SYTL2: variants seen among roughly 807,000 people sequenced by gnomAD.
SYTL2 encodes synaptotagmin-like protein 2.
SYTL2 carries 165 observed loss-of-function variants against 198.7 expected under a neutral mutation model. That is an observed-to-expected ratio of 0.83 (90% CI 0.73 to 0.94). The LOEUF (loss-of-function observed/expected upper bound fraction) is 0.94. Among genes scored for constraint, SYTL2 ranks in the 40% least tolerant of loss-of-function variants. SYTL2 has a pLI of 0.00. For missense variants in SYTL2, 2,835 were observed against 2,582.8 expected (o/e 1.10, Z -2.12); for synonymous variants, 966 against 917.7 (o/e 1.05, Z -0.95).
the SYTL2 span, among the ~76,000 whole-genome samples, chr11:85,826,275 C>T: frequency 1.3e-5 from 2 of 152,302 alleles, no homozygotes; most frequent in East Asian, 1.9e-4. Flanking sequence ...TGCTGGAAGA[C>T]ATCTAGTGGC....
intron 2 of SYTL2, among the ~76,000 whole-genome samples, chr11:85,755,332 C>T (rs2091797909): frequency 1.3e-5 from 2 of 152,152 alleles, no homozygotes; most frequent in African/African-American, 4.8e-5. Flanking sequence ...CTGTCCATGG[C>T]CAAGTCCACA....
chr11:85,780,714 G>A (rs1288568199), intron 1 of SYTL2, among the ~76,000 whole-genome samples: 1 of 152,176 alleles, frequency 6.6e-6, no homozygotes, highest in Non-Finnish European at 1.5e-5. Flanking sequence ...GTAAATACAA[G>A]TAAAGTTTTT....
At chr11:85,813,716 TTTCCTTCCTTCCTTCC>T (rs539849388), upstream of SYTL2, among the ~76,000 whole-genome samples, 1 of 107,210 alleles carries the variant, frequency 9.3e-6, no homozygotes, top group Non-Finnish European at 1.9e-5. Flanking sequence ...CCCTCCCTCC[TTTCCTTCCTTCCTTCC>T]TTCCTTCCTT....
Position 85,726,365 on chromosome 11 carries a change from T to C in SYTL2, c.2993A>G (p.Lys998Arg), listed in dbSNP as rs969026748. 6.8e-6 allele frequency: 11 copies of C among 1,613,950 alleles called. No homozygotes were observed. Among genetic ancestry groups the C allele is most frequent in the Non-Finnish European group, 9.3e-6 (11 of 1,179,970 alleles). ...FWDLEANSNSKDNDKNITTTS... is the reference protein window; with the variant it reads ...FWDLEANSNSRDNDKNITTTS... ...GGTGGTAATATTCTTGTCATTATCC[T>C]TACTGTTTGAATTAGCTTCTAAGTC... Residue 998 changes from lysine (K) to arginine (R), a missense_variant, in exon 8 of 20, where the codon AAG becomes AGG. By Grantham distance (26) the Lys-to-Arg change is conservative (BLOSUM62 2). Coordinates refer to ENST00000359152, the MANE Select transcript of SYTL2 (RefSeq NM_206927.4).
At chr11:85,750,653 G>A (rs1365540721) in intron 2 of SYTL2, among the ~76,000 whole-genome samples, 1 of 152,140 alleles carries the variant, frequency 6.6e-6, no homozygotes, top group African/African-American at 2.4e-5. Flanking sequence ...GAACAGAGCT[G>A]ATACCCAATA....
chr11:85,701,914 A>G (rs1028840236), intron 16 of SYTL2, among the ~76,000 whole-genome samples: 1 of 152,214 alleles, frequency 6.6e-6, no homozygotes, highest in Non-Finnish European at 1.5e-5. Context: ...TCTGCTTTTC[A>G]CTTTGAGACA....
the SYTL2 span, among the ~76,000 whole-genome samples, chr11:85,844,161 G>A: frequency 6.6e-6 from 1 of 152,206 alleles, no homozygotes; most frequent in South Asian, 2.1e-4. Flanking sequence ...TATCGTGTAA[G>A]CCCTAGCTGA....
intron 1 of SYTL2, among the ~76,000 whole-genome samples, chr11:85,794,068 C>T (rs1404520015): frequency 6.6e-6 from 1 of 152,186 alleles, no homozygotes; most frequent in Non-Finnish European, 1.5e-5. Flanking sequence ...CAGGGTCTCA[C>T]TATGCTGCCC....
rs749561070 is a variant in SYTL2, at chr11:85,724,207, T to C, written c.5151A>G (p.Gln1717=). Residue 1717 remains glutamine, a synonymous_variant, in exon 8 of 20, where the codon CAA becomes CAG. Coordinates refer to ENST00000359152, the MANE Select transcript of SYTL2 (RefSeq NM_206927.4). ...SEAISVSRNR[Q]PIPLLMNKEN... ...CTTTGTTCATCAGGAGAGGAATGGGTTGCCTATTTCTGGACACACTAATTG... is the reference window on the plus strand; with the variant it reads ...CTTTGTTCATCAGGAGAGGAATGGGCTGCCTATTTCTGGACACACTAATTG... 1.3e-6 allele frequency: 2 copies of C among 1,593,412 alleles called. No homozygotes were observed.
chr11:85,851,031 T>TGGGGGGA, the SYTL2 span, among the ~76,000 whole-genome samples: 1 of 67,878 alleles, frequency 1.5e-5, no homozygotes, highest in Non-Finnish European at 2.7e-5. Flanking sequence ...TGTGGTGGGG[T>TGGGGGGA]GGGGGGAGGG....
chr11:85,719,814 G>A lies in SYTL2; in HGVS notation c.5429-971C>T, dbSNP rs147216872. Among the ~76,000 whole-genome samples the A allele has an allele frequency of 7.2e-5, 11 of 152,300 alleles. No homozygotes were observed. The East Asian group carries it at 2.1e-3, about 29-fold the overall frequency. Reference sequence around the variant, plus strand: ...TGAATTTTAGGAAATGTTTGGTGAAGTGGCTTTTTCTTTTCTTTTTTTCAT... The same window carrying A: ...TGAATTTTAGGAAATGTTTGGTGAAATGGCTTTTTCTTTTCTTTTTTTCAT... On this transcript the variant is annotated intron_variant, in intron 9 of 19. Transcript: ENST00000359152.
At chr11:85,770,419 T>C (rs1411090252) in intron 1 of SYTL2, among the ~76,000 whole-genome samples, 1 of 152,126 alleles carries the variant, frequency 6.6e-6, no homozygotes, top group Non-Finnish European at 1.5e-5. Flanking sequence ...CCATACACAA[T>C]CCAGCTAGAC....
intron 1 of SYTL2, among the ~76,000 whole-genome samples, chr11:85,776,425 G>T (rs1478722957): frequency 6.6e-6 from 1 of 152,108 alleles, no homozygotes; most frequent in Non-Finnish European, 1.5e-5. Context: ...ACAGGCCCCG[G>T]TGTGTTATGT....
At position 85,727,911 on chromosome 11, in the gene SYTL2, T is replaced by C; in HGVS notation, c.1447A>G (p.Arg483Gly). Residue 483 changes from arginine (R) to glycine (G), a missense_variant, in exon 8 of 20, where the codon AGA becomes GGA. Physicochemically the swap from Arg to Gly is moderately radical, Grantham distance 125. Around this residue, in one of 3 missense-constraint regions of SYTL2, gnomAD observed 2,645 missense variants for 2,381.7 expected, o/e 1.11. Coordinates refer to ENST00000359152, the MANE Select transcript of SYTL2 (RefSeq NM_206927.4). Reference sequence around the variant, plus strand: ...GGGGGCTTACCTTGCTGACGGTCTCTAGAACTGCCACCTGGCACCTGAGAT... The same window carrying C: ...GGGGGCTTACCTTGCTGACGGTCTCCAGAACTGCCACCTGGCACCTGAGAT... The part of the protein sequence containing the change: ...EPSQVPGGSS[R>G]DRQQGKPPPL... 1 of 1,613,708 alleles carries C rather than the reference T, an allele frequency of 6.2e-7. No homozygotes were observed. Among genetic ancestry groups the C allele is most frequent in the Non-Finnish European group, 8.5e-7 (1 of 1,179,902 alleles).
At chr11:85,840,719 A>G in the SYTL2 span, among the ~76,000 whole-genome samples, 1 of 152,200 alleles carries the variant, frequency 6.6e-6, no homozygotes, top group Non-Finnish European at 1.5e-5. Flanking sequence ...AATTAACTCA[A>G]GATGGATTAA....
intron 1 of SYTL2, among the ~76,000 whole-genome samples, chr11:85,778,109 A>G (rs1464585012): frequency 1.3e-5 from 2 of 152,110 alleles, no homozygotes; most frequent in African/African-American, 4.8e-5. Context: ...AGGAACCATC[A>G]TGCCCGGCCG....
chr11:85,726,663 T>A lies in SYTL2; in HGVS notation c.2695A>T (p.Lys899Ter). 1 of 1,536,694 alleles carries A rather than the reference T, an allele frequency of 6.5e-7. No individual in the cohort carries two copies. Among genetic ancestry groups the A allele is most frequent in the African/African-American group, 1.4e-5 (1 of 73,182 alleles). The part of the protein sequence containing the change: ...RYYLSAEQSD[K>*]VSLFQNKKNE... ...TTCTTATTCTGAAACAGAGACACTTTATCTGATTGCTCAGCTGAAAGATAG... is the reference window on the plus strand; with the variant it reads ...TTCTTATTCTGAAACAGAGACACTTAATCTGATTGCTCAGCTGAAAGATAG... The change falls in exon 8 of 20, where the codon AAA becomes TAA. Residue 899 changes from lysine to a stop codon, truncating the protein, a stop_gained. Coordinates refer to ENST00000359152, the MANE Select transcript of SYTL2 (RefSeq NM_206927.4). LOFTEE classifies it high-confidence loss of function.
At chr11:85,731,798 C>T (rs1285615424) in intron 7 of SYTL2, among the ~76,000 whole-genome samples, 1 of 152,122 alleles carries the variant, frequency 6.6e-6, no homozygotes, top group Non-Finnish European at 1.5e-5. Context: ...GAAGAGGCAA[C>T]CTACAGAATG....
At chr11:85,816,290 T>A in the SYTL2 span, among the ~76,000 whole-genome samples, 1 of 152,252 alleles carries the variant, frequency 6.6e-6, no homozygotes, top group Admixed American at 6.5e-5. Flanking sequence ...TCTGTGACTG[T>A]CAACATTACA....
Sources: allele counts gnomAD v4.1 joint callset (sites outside exome capture counted in the v4.1 genomes callset), GRCh38; gene constraint gnomAD v4.1.1; regional missense constraint gnomAD v4.1.1; transcripts MANE v1.5; gene names NCBI Gene and HGNC (gene_info 2026-07-23, HGNC 2026-07-21).